The following CASZ1 variants were observed in gnomAD, a reference collection of about 807,000 sequenced individuals.
CASZ1 encodes zinc finger protein castor homolog 1.
CASZ1 carries 28 observed loss-of-function variants against 135.2 expected under a neutral mutation model. The observed-to-expected ratio is 0.21, with a 90% confidence interval of 0.15 to 0.28. CASZ1 has a LOEUF of 0.28. CASZ1 is among the 10% of genes least tolerant of loss of function. The pLI, the probability that CASZ1 is intolerant of heterozygous loss-of-function variation, is 1.00. For synonymous variants in CASZ1, 1,068 were observed against 1,073.4 expected, an observed-to-expected ratio of 0.99 and a Z score of 0.10; for missense variants, 2,161 against 2,453.3, an observed-to-expected ratio of 0.88 and a Z score of 2.52.
chr1:10,747,848 G>A lies in CASZ1; in HGVS notation c.-77+12853C>T, dbSNP rs1008177102. 2.7e-5 allele frequency among the ~76,000 whole-genome samples: 4 copies of A among 145,940 alleles called. No homozygotes were observed. The highest frequency in any genetic ancestry group is 7.0e-5 in the Admixed American group (1 of 14,380). On this transcript the variant is annotated intron_variant, in intron 2 of 20. Transcript: ENST00000377022. This position sits in a 1 kb window ranked among gnomAD's most constrained non-coding sequence, Gnocchi z 4.3. ...TTTTTTTTTTTTGAGATGGAGTCTCGCTCTGCCGCCCAGGCTGGAGTGCAG... is the reference window on the plus strand; with the variant it reads ...TTTTTTTTTTTTGAGATGGAGTCTCACTCTGCCGCCCAGGCTGGAGTGCAG...
At position 10,709,915 on chromosome 1, in the gene CASZ1, G is replaced by A. The variant is rs1327441822; in HGVS notation, c.-76-4371C>T. Among the ~76,000 whole-genome samples, 1 of 152,184 alleles carries A rather than the reference G, an allele frequency of 6.6e-6. No individual in the cohort carries two copies. Among genetic ancestry groups the A allele is most frequent in the Non-Finnish European group, 1.5e-5 (1 of 68,038 alleles). On this transcript the variant is annotated intron_variant, in intron 2 of 20. Transcript: ENST00000377022. The surrounding 1 kb of genome is among the most constrained non-coding windows in gnomAD (Gnocchi z 5.1). ...CAGAGGCCTCGGGAAAGGAGCCTGG[G>A]CCCCGGACCAGGGAGGGGCGGTGGG...
intron 1 of CASZ1, among the ~76,000 whole-genome samples, chr1:10,769,978 G>C (rs190890668): frequency 2.0e-5 from 3 of 152,350 alleles, no homozygotes; most frequent in African/African-American, 7.2e-5. Flanking sequence ...ACTTATTCAA[G>C]GTGATACTGC....
intron 1 of CASZ1, among the ~76,000 whole-genome samples, chr1:10,789,549 CCTCT>C (rs1226687481): frequency 6.6e-6 from 1 of 151,506 alleles, no homozygotes; most frequent in Non-Finnish European, 1.5e-5. Context: ...TCTCTATCCT[CCTCT>C]CTCTCTCTTT....
chr1:10,648,850 T>C (rs1456242584), intron 15 of CASZ1: 2 of 580,204 alleles, frequency 3.4e-6, no homozygotes, highest in Non-Finnish European at 6.0e-6. Flanking sequence ...TTGCTCAGGG[T>C]CCCAGGAAGG....
At chr1:10,695,580 A>ACCC (rs61026086) in intron 3 of CASZ1, among the ~76,000 whole-genome samples, 1 of 16,766 alleles carries the variant, frequency 6.0e-5, no homozygotes, top group Non-Finnish European at 1.3e-4. Flanking sequence ...CCTCCCCGCC[A>ACCC]CCCCCCCCCC....
At chr1:10,705,109 G>A (rs565895365) in intron 3 of CASZ1, among the ~76,000 whole-genome samples, 37 of 152,346 alleles carry the variant, frequency 2.4e-4, no homozygotes, top group African/African-American at 7.7e-4. Flanking sequence ...TGGGCAGCAC[G>A]TCCAGGCACA....
chr1:10,705,830 G>C (rs1639158940), intron 2 of CASZ1, among the ~76,000 whole-genome samples: 1 of 152,268 alleles, frequency 6.6e-6, no homozygotes, highest in Non-Finnish European at 1.5e-5. Context: ...AGGCGGAGAA[G>C]AGTCAGCCGT....
At chr1:10,770,594 C>A (rs1423039274) in intron 1 of CASZ1, among the ~76,000 whole-genome samples, 1 of 152,094 alleles carries the variant, frequency 6.6e-6, no homozygotes, top group Non-Finnish European at 1.5e-5. Flanking sequence ...CGGTCACAGG[C>A]CCCCTCTGTC....
At chr1:10,790,131 C>T (rs1640929919) in intron 1 of CASZ1, among the ~76,000 whole-genome samples, 1 of 152,186 alleles carries the variant, frequency 6.6e-6, no homozygotes, top group African/African-American at 2.4e-5. Context: ...GAGAGATCAC[C>T]AGGCAGCCAG....
At chr1:10,681,536 C>T (rs1054558671) in intron 4 of CASZ1, among the ~76,000 whole-genome samples, 1 of 152,198 alleles carries the variant, frequency 6.6e-6, no homozygotes, top group African/African-American at 2.4e-5. Flanking sequence ...GGCAGCCTCC[C>T]GGGACTGTCC....
intron 18 of CASZ1, among the ~76,000 whole-genome samples, chr1:10,644,712 CCA>C (rs1319077111): frequency 6.6e-6 from 1 of 152,230 alleles, no homozygotes; most frequent in African/African-American, 2.4e-5. Flanking sequence ...TGAGTCACCC[CCA>C]CTCTTCTTGC....
At position 10,739,668 on chromosome 1, in the gene CASZ1, G is replaced by A. The variant is rs1639875929; in HGVS notation, c.-77+21033C>T. Among the ~76,000 whole-genome samples the A allele has an allele frequency of 6.6e-6, 1 of 152,156 alleles. No homozygotes were observed. The highest frequency in any genetic ancestry group is 2.4e-5 in the African/African-American group (1 of 41,426). On this transcript the variant is annotated intron_variant, in intron 2 of 20. Coordinates refer to ENST00000377022, the MANE Select transcript of CASZ1 (RefSeq NM_001079843.3). The surrounding 1 kb of genome is among the most constrained non-coding windows in gnomAD (Gnocchi z 4.8). ...TCCTCAAGAGTCCAAGCTATAGTTT[G>A]GCCCAAATGTCCCGGCCAGGGTGGC...
At position 10,788,353 on chromosome 1, in the gene CASZ1, G is replaced by A. The variant is rs1048101108; in HGVS notation, c.-234+8211C>T. Among the ~76,000 whole-genome samples, 2 of 152,186 alleles carry A rather than the reference G, an allele frequency of 1.3e-5. No individual in the cohort carries two copies. The highest frequency in any genetic ancestry group is 2.9e-5 in the Non-Finnish European group (2 of 68,028). ...CAGAGGCAGGCAGGTGGGAGTAGTG[G>A]TGGGGACCGATCTTGCCTCCTCCCT... On this transcript the variant is annotated intron_variant, in intron 1 of 20. Transcript: ENST00000377022. This position sits in a 1 kb window ranked among gnomAD's most constrained non-coding sequence, Gnocchi z 4.1.
At chr1:10,658,787 TGCAGGTG>T (rs1401930929) in intron 6 of CASZ1, among the ~76,000 whole-genome samples, 2 of 152,186 alleles carry the variant, frequency 1.3e-5, no homozygotes, top group African/African-American at 2.4e-5. Flanking sequence ...TGCCATCTCG[TGCAGGTG>T]GGGCTGCAGC....
At chr1:10,715,597 ACCCC>A (rs1639365663) in intron 2 of CASZ1, among the ~76,000 whole-genome samples, 2 of 86,336 alleles carry the variant, frequency 2.3e-5, no homozygotes, top group African/African-American at 5.6e-5. Context: ...CCCAATCCGC[ACCCC>A]ACAGCACCCA....
intron 2 of CASZ1, among the ~76,000 whole-genome samples, chr1:10,728,702 G>A (rs953690601): frequency 9.2e-5 from 14 of 152,066 alleles, no homozygotes; most frequent in Admixed American, 8.5e-4. Context: ...AAAAAGCCTC[G>A]TTAGTTGCCA....
At chr1:10,791,641 A>C (rs764951994) in intron 1 of CASZ1, among the ~76,000 whole-genome samples, 19 of 152,176 alleles carry the variant, frequency 1.2e-4, no homozygotes, top group African/African-American at 4.6e-4. Context: ...CCTTGAAAAG[A>C]AATGGGGGAA....
chr1:10,655,191 TAAC>T (rs1642746376), intron 9 of CASZ1, among the ~76,000 whole-genome samples: 1 of 152,152 alleles, frequency 6.6e-6, no homozygotes, highest in African/African-American at 2.4e-5. Context: ...ACAGAGGCCA[TAAC>T]AACTCCTGAC....
intron 18 of CASZ1, 130 bp from the exon 19 acceptor site, chr1:10,643,441 C>T (rs1342117443): frequency 8.9e-6 from 9 of 1,016,036 alleles, no homozygotes; most frequent in East Asian, 5.3e-5. Context: ...GGGGAAAGGG[C>T]GCTGAGCCGA....
Sources: gnomAD v4.1 joint callset for allele counts (sites outside exome capture counted in the v4.1 genomes callset) on GRCh38, gnomAD v4.1.1 for gene constraint, Gnocchi (gnomAD v3.1) non-coding constraint, MANE v1.5 for transcripts, NCBI Gene and HGNC (gene_info 2026-07-23, HGNC 2026-07-21) for gene names.